SPATA13: variants seen among roughly 807,000 people sequenced by gnomAD.
SPATA13 encodes the protein spermatogenesis-associated protein 13.
A neutral mutation model predicts 104.0 loss-of-function variants in SPATA13; 50 were observed. The ratio of observed to expected loss-of-function variants is 0.48; its 90% CI spans 0.38 to 0.61. The LOEUF (loss-of-function observed/expected upper bound fraction) is 0.61, where lower values mean the gene tolerates loss of function less well. SPATA13 is among the 20% of genes least tolerant of loss of function. The pLI, the probability that SPATA13 is intolerant of heterozygous loss-of-function variation, is 0.00. For missense variants in SPATA13, 1,524 were observed against 1,690.6 expected (o/e 0.90, Z 1.73); for synonymous variants, 606 against 667.5 (o/e 0.91, Z 1.42).
intron 3 of SPATA13, among the ~76,000 whole-genome samples, chr13:24,143,555 A>G (rs58768380): frequency 0.011 from 1,658 of 152,346 alleles, 19 homozygotes; most frequent in African/African-American, 0.037. Context: ...TGTGTTTTCT[A>G]ACTTAAAAAG....
chr13:24,135,430 G>T (rs59682217), intron 3 of SPATA13, among the ~76,000 whole-genome samples: 13,756 of 152,132 alleles, frequency 0.09, 794 homozygotes, highest in South Asian at 0.19. Context: ...AGGTGCAGTG[G>T]CTCACGCCTG....
At chr13:24,132,513 G>T (rs1163385567) in intron 3 of SPATA13, among the ~76,000 whole-genome samples, 1 of 152,202 alleles carries the variant, frequency 6.6e-6, no homozygotes, top group Non-Finnish European at 1.5e-5. Context: ...CAAATTGGGG[G>T]TAAACTAACT....
chr13:24,123,463 T>C (rs1388835699), intron 3 of SPATA13: 3 of 1,545,018 alleles, frequency 1.9e-6, no homozygotes, highest in Non-Finnish European at 2.7e-6. Flanking sequence ...TAGATCTTTT[T>C]CTTCAGAAGT....
At chr13:24,197,806 C>G (rs1870151968) in intron 1 of SPATA13, among the ~76,000 whole-genome samples, 1 of 152,006 alleles carries the variant, frequency 6.6e-6, no homozygotes, top group African/African-American at 2.4e-5. Flanking sequence ...TTAATACCAC[C>G]AGAAATTACT....
chr13:24,082,628 G>T (rs1050085522), intron 3 of SPATA13, among the ~76,000 whole-genome samples: 2 of 151,484 alleles, frequency 1.3e-5, no homozygotes, highest in Non-Finnish European at 2.9e-5. Flanking sequence ...AGACCATCCT[G>T]GCTAACAAGG....
At chr13:24,064,762 C>T (rs1444072306) in intron 3 of SPATA13, among the ~76,000 whole-genome samples, 3 of 152,126 alleles carry the variant, frequency 2.0e-5, no homozygotes, top group Non-Finnish European at 2.9e-5. Context: ...TCTTAATCAG[C>T]GATGAAGGTC....
At chr13:23,999,491 A>C (rs1311120749) in intron 2 of SPATA13, among the ~76,000 whole-genome samples, 1 of 151,928 alleles carries the variant, frequency 6.6e-6, no homozygotes, top group African/African-American at 2.4e-5. Context: ...CATACAGTCT[A>C]TCTCTCATTT....
chr13:24,276,262 G>T (rs1278619415), intron 4 of SPATA13, among the ~76,000 whole-genome samples: 2 of 152,156 alleles, frequency 1.3e-5, no homozygotes, highest in East Asian at 1.9e-4. Context: ...AATATTTTTG[G>T]TTTTTTCCTT....
At chr13:24,237,855 A>G in intron 2 of SPATA13, among the ~76,000 whole-genome samples, 1 of 137,536 alleles carries the variant, frequency 7.3e-6, no homozygotes, top group East Asian at 2.1e-4. Context: ...TATAAAATAT[A>G]TCACATATAT....
At chr13:24,099,777 GT>G (rs1880196553) in intron 3 of SPATA13, among the ~76,000 whole-genome samples, 1 of 152,164 alleles carries the variant, frequency 6.6e-6, no homozygotes, top group African/African-American at 2.4e-5. Flanking sequence ...CATGGTCTGG[GT>G]TTTTTTAAAC....
chr13:24,280,417 C>T lies in SPATA13; in HGVS notation c.2165-3718C>T, dbSNP rs138516814. Among the ~76,000 whole-genome samples, 329 of 151,794 alleles carry T rather than the reference C, an allele frequency of 2.2e-3. 2 individuals carry two copies. The highest frequency in any genetic ancestry group is 7.4e-3 in the African/African-American group (306 of 41,364). ...CCTTGGAAAACACTGTTCAGTTCTTCGAGGAGAAAGCGTCATTTTTCAGAG... is the reference window on the plus strand; with the variant it reads ...CCTTGGAAAACACTGTTCAGTTCTTTGAGGAGAAAGCGTCATTTTTCAGAG... On this transcript the variant is annotated intron_variant, in intron 4 of 12. Coordinates refer to ENST00000382108, the MANE Select transcript of SPATA13 (RefSeq NM_001166271.3).
chr13:24,223,960 C>T lies in SPATA13; in HGVS notation c.1031C>T (p.Pro344Leu), dbSNP rs1419582929. The T allele has an allele frequency of 6.5e-7, 1 of 1,549,726 alleles. No homozygotes were observed. Among genetic ancestry groups the T allele is most frequent in the South Asian group, 1.2e-5 (1 of 83,960 alleles). ...RESPRSGAPS[P>L]GEASLRLQAH... ...AGTCCTAGGAGTGGGGCCCCATCCC[C>T]TGGAGAGGCCAGCCTGAGACTTCAG... Residue 344 changes from proline (P) to leucine (L), a missense_variant, in exon 2 of 13, where the codon CCT (proline) becomes CTT (leucine). Pro to Leu is a moderately conservative substitution (Grantham distance 98). Transcript: ENST00000382108.
In SPATA13 at chr13:24,256,521, A is replaced by G. The variant is rs2760375; in HGVS notation, c.2164+4659A>G. On this transcript the variant is annotated intron_variant, in intron 4 of 12. Transcript: ENST00000382108. ...CTCTCCAAATTAAGTAGTATCCACA[A>G]CTAAATTTTTCTCAAAATATAGAAA... Among the ~76,000 whole-genome samples, 1,494 of 152,356 alleles carry G rather than the reference A, an allele frequency of 9.8e-3. 28 individuals carry two copies. Among genetic ancestry groups the G allele is most frequent in the African/African-American group, 0.034 (1,423 of 41,590 alleles).
chr13:24,266,717 T>C (rs1874312556), intron 4 of SPATA13, among the ~76,000 whole-genome samples: 1 of 152,214 alleles, frequency 6.6e-6, no homozygotes, highest in Non-Finnish European at 1.5e-5. Context: ...TCAATGATGG[T>C]CATTTCCCAG....
At chr13:24,173,626 C>G (rs1883093314) in intron 1 of SPATA13, among the ~76,000 whole-genome samples, 2 of 151,706 alleles carry the variant, frequency 1.3e-5, no homozygotes, top group African/African-American at 4.8e-5. Context: ...GAGGATATTC[C>G]CTTCTATTCC....
intron 2 of SPATA13, among the ~76,000 whole-genome samples, chr13:24,244,289 A>G (rs1260312544): frequency 6.6e-6 from 1 of 152,172 alleles, no homozygotes; most frequent in African/African-American, 2.4e-5. Flanking sequence ...CAAAGATCTA[A>G]TCTCTAAATA....
intron 3 of SPATA13, among the ~76,000 whole-genome samples, chr13:24,116,662 T>G (rs1441448014): frequency 6.6e-6 from 1 of 152,134 alleles, no homozygotes; most frequent in African/African-American, 2.4e-5. Context: ...GCAAAGTCAC[T>G]GAGGTAGGAT....
chr13:24,113,773 G>A (rs1880728495), intron 3 of SPATA13, among the ~76,000 whole-genome samples: 1 of 151,134 alleles, frequency 6.6e-6, no homozygotes, highest in South Asian at 2.1e-4. Flanking sequence ...GGGAGGCTGA[G>A]GCAGGAGAAT....
rs1881055480 is a variant in SPATA13, at chr13:24,122,299, C to T, written c.-111-100520C>T. ...GAATAGTTTGAAAGATAGTTTGAAA[C>T]TATTCAAACTATCGATTTGAATAGT... is the stretch of plus-strand genomic sequence containing the variant. On this transcript the variant is annotated intron_variant, in intron 3 of 14. Coordinates refer to the SPATA13 transcript ENST00000424834. The T allele has an allele frequency of 2.9e-6, 4 of 1,356,612 alleles. No individual in the cohort carries two copies. The Admixed American group carries it at 6.7e-5, about 23-fold the overall frequency. The allele number at this position is 1,356,612 out of a possible 1,614,324, so 84.0% of individuals were successfully genotyped here.
Sources: gnomAD v4.1 joint callset for allele counts (sites outside exome capture counted in the v4.1 genomes callset) on GRCh38, gnomAD v4.1.1 for gene constraint, MANE v1.5 for transcripts, NCBI Gene and HGNC (gene_info 2026-07-23, HGNC 2026-07-21) for gene names.